ZNF385D: variants seen among roughly 807,000 people sequenced by gnomAD.
ZNF385D encodes zinc finger protein 659.
A neutral mutation model predicts 35.8 loss-of-function variants in ZNF385D; 15 were observed. That is an observed-to-expected ratio of 0.42 (90% confidence interval 0.28 to 0.64). The LOEUF is 0.64. Among genes scored for constraint, ZNF385D ranks in the 30% least tolerant of loss-of-function variants. The pLI, the probability that ZNF385D is intolerant of heterozygous loss-of-function variation, is 0.23. For synonymous variants in ZNF385D, 212 were observed against 186.8 expected (o/e 1.13, Z -1.10); for missense variants, 474 against 494.6 (o/e 0.96, Z 0.39).
At chr3:21,748,923 A>G (rs1426149040) in intron 1 of ZNF385D, among the ~76,000 whole-genome samples, 1 of 152,028 alleles carries the variant, frequency 6.6e-6, no homozygotes, top group Non-Finnish European at 1.5e-5. Flanking sequence ...CTTGTACCAC[A>G]CATTTTTTTT....
At chr3:21,746,280 C>T (rs2069766141) in intron 1 of ZNF385D, among the ~76,000 whole-genome samples, 1 of 152,162 alleles carries the variant, frequency 6.6e-6, no homozygotes, top group Admixed American at 6.5e-5. Context: ...TACCTCATTT[C>T]CATATAATTA....
intron 2 of ZNF385D, among the ~76,000 whole-genome samples, chr3:21,588,507 A>G (rs1234376509): frequency 5.9e-5 from 9 of 152,168 alleles, no homozygotes; most frequent in Admixed American, 3.3e-4. Context: ...ATAAGCATTT[A>G]TCAAACAGTA....
At chr3:22,330,561 GC>G (rs901176042) in intron 2 of ZNF385D, among the ~76,000 whole-genome samples, 1 of 151,906 alleles carries the variant, frequency 6.6e-6, no homozygotes, top group Non-Finnish European at 1.5e-5. Context: ...ATATTTCAGG[GC>G]CCCCGTCTGC....
intron 2 of ZNF385D, among the ~76,000 whole-genome samples, chr3:21,571,950 G>A (rs553337956): frequency 2.0e-5 from 3 of 152,006 alleles, no homozygotes; most frequent in South Asian, 2.1e-4. Context: ...CCCAAATTTC[G>A]CCGTCCATAG....
intron 3 of ZNF385D, among the ~76,000 whole-genome samples, chr3:21,834,512 G>C (rs1383185850): frequency 6.6e-6 from 1 of 152,138 alleles, no homozygotes; most frequent in Non-Finnish European, 1.5e-5. Flanking sequence ...GTGGCAGTTA[G>C]GACTGCAGAT....
At chr3:21,958,587 T>A (rs78440593) in intron 3 of ZNF385D, among the ~76,000 whole-genome samples, 61 of 152,220 alleles carry the variant, frequency 4.0e-4, no homozygotes, top group African/African-American at 1.3e-3. Flanking sequence ...AAAACCATTG[T>A]TCCAAGTCAA....
chr3:21,979,453 C>T (rs1260193497), intron 3 of ZNF385D, among the ~76,000 whole-genome samples: 2 of 152,280 alleles, frequency 1.3e-5, no homozygotes, highest in South Asian at 4.1e-4. Flanking sequence ...TAAGCTGAAA[C>T]CACAACTCAG....
chr3:21,765,756 G>C (rs902955060), intron 3 of ZNF385D, among the ~76,000 whole-genome samples: 2 of 122,544 alleles, frequency 1.6e-5, no homozygotes, highest in African/African-American at 5.3e-5. Flanking sequence ...GAGAGAGAGA[G>C]AATGTGCTCT....
chr3:21,813,511 C>T (rs745453507), intron 3 of ZNF385D, among the ~76,000 whole-genome samples: 1 of 152,082 alleles, frequency 6.6e-6, no homozygotes, highest in Non-Finnish European at 1.5e-5. Flanking sequence ...CCTTAAATGA[C>T]CTGATGGAGC....
intron 3 of ZNF385D, among the ~76,000 whole-genome samples, chr3:22,129,150 T>A (rs978489568): frequency 2.6e-5 from 4 of 151,790 alleles, no homozygotes; most frequent in African/African-American, 9.7e-5. Flanking sequence ...CATGGGAGAG[T>A]CTCTTGTTTT....
At chr3:22,181,605 G>A (rs1373782765) in intron 2 of ZNF385D, among the ~76,000 whole-genome samples, 1 of 151,636 alleles carries the variant, frequency 6.6e-6, no homozygotes, top group Admixed American at 6.6e-5. Flanking sequence ...GGCTGAGGCA[G>A]GAGAATGGTG....
intron 3 of ZNF385D, among the ~76,000 whole-genome samples, chr3:22,007,021 T>A (rs997527581): frequency 2.0e-5 from 3 of 152,164 alleles, no homozygotes; most frequent in Non-Finnish European, 4.4e-5. Flanking sequence ...CAATTTGATA[T>A]AGCATTAGAC....
chr3:21,825,206 G>A (rs1694522393), intron 3 of ZNF385D, among the ~76,000 whole-genome samples: 1 of 152,120 alleles, frequency 6.6e-6, no homozygotes, highest in African/African-American at 2.4e-5. Flanking sequence ...TCACCAAACA[G>A]TGTTCTAAAA....
intron 2 of ZNF385D, among the ~76,000 whole-genome samples, chr3:22,283,754 A>T (rs1448309510): frequency 6.6e-6 from 1 of 152,188 alleles, no homozygotes; most frequent in Non-Finnish European, 1.5e-5. Flanking sequence ...TCCCTAGCAC[A>T]GTGATCACCC....
intron 3 of ZNF385D, among the ~76,000 whole-genome samples, chr3:21,990,620 A>G (rs1473104843): frequency 6.6e-6 from 1 of 152,346 alleles, no homozygotes; most frequent in East Asian, 1.9e-4. Context: ...TTCTCTAAAT[A>G]ATAACTCTAT....
At chr3:21,649,481 T>C (rs1559488448) in intron 2 of ZNF385D, among the ~76,000 whole-genome samples, 2 of 152,108 alleles carry the variant, frequency 1.3e-5, no homozygotes, top group Non-Finnish European at 2.9e-5. Flanking sequence ...TCAAGAATCT[T>C]ACCAAGAGTG....
intron 2 of ZNF385D, among the ~76,000 whole-genome samples, chr3:22,220,811 G>A (rs1698209283): frequency 6.6e-6 from 1 of 151,988 alleles, no homozygotes; most frequent in Non-Finnish European, 1.5e-5. Context: ...TTTCTACTGT[G>A]CTACTATAGC....
chr3:21,503,870 G>A (rs1036967843), intron 4 of ZNF385D, among the ~76,000 whole-genome samples: 1 of 152,062 alleles, frequency 6.6e-6, no homozygotes, highest in African/African-American at 2.4e-5. Context: ...AAGTTCCTTT[G>A]CATTCATAGA....
At chr3:21,863,581 C>T (rs553499953) in intron 3 of ZNF385D, among the ~76,000 whole-genome samples, 252 of 152,154 alleles carry the variant, frequency 1.7e-3, no homozygotes, top group Non-Finnish European at 3.0e-3. Flanking sequence ...AGTAGTTAAC[C>T]TAATTGCACT....
Sources: allele counts gnomAD v4.1 joint callset (sites outside exome capture counted in the v4.1 genomes callset), GRCh38; gene constraint gnomAD v4.1.1; transcripts MANE v1.5; gene names NCBI Gene and HGNC (gene_info 2026-07-23, HGNC 2026-07-21).